The following SVEP1 variants were observed in gnomAD, a reference collection of about 807,000 sequenced individuals.
The protein encoded by SVEP1 is sushi, von Willebrand factor type A, EGF and pentraxin domain containing 1.
Under a neutral mutation model 367.3 loss-of-function variants are expected in SVEP1, and 164 were observed. The ratio of observed to expected loss-of-function variants is 0.45; its 90% confidence interval spans 0.39 to 0.51. The LOEUF (loss-of-function observed/expected upper bound fraction) is 0.51, where lower values mean the gene tolerates loss of function less well. SVEP1 is among the 20% of genes least tolerant of loss of function. The pLI, the probability that SVEP1 is intolerant of heterozygous loss-of-function variation, is 0.00. For missense variants in SVEP1, 4,117 were observed against 4,425.3 expected (o/e 0.93, Z 1.98); for synonymous variants, 1,666 against 1,611.6 (o/e 1.03, Z -0.81).
chr9:110,478,751 T>A (rs1407512087), intron 13 of SVEP1, among the ~76,000 whole-genome samples: 1 of 152,218 alleles, frequency 6.6e-6, no homozygotes, highest in Non-Finnish European at 1.5e-5. Flanking sequence ...TTCGTTAATA[T>A]GTTAGGTGTA....
At chr9:110,390,441 T>G (rs1270987705) in intron 40 of SVEP1, among the ~76,000 whole-genome samples, 1 of 146,364 alleles carries the variant, frequency 6.8e-6, no homozygotes, top group East Asian at 2.0e-4. Flanking sequence ...CACCCAACAC[T>G]TAGGTTGACT....
chr9:110,527,437 A>G (rs1231962724), intron 3 of SVEP1, among the ~76,000 whole-genome samples: 2 of 152,022 alleles, frequency 1.3e-5, no homozygotes, highest in Non-Finnish European at 2.9e-5. Flanking sequence ...TGAGGTGAAT[A>G]GTATGTTTAA....
chr9:110,509,745 C>G (rs184382527), intron 5 of SVEP1, among the ~76,000 whole-genome samples: 2 of 152,168 alleles, frequency 1.3e-5, no homozygotes. Flanking sequence ...TGTACATCAA[C>G]GTATACATTT....
At chr9:110,387,678 C>T (rs957034253) in intron 41 of SVEP1, among the ~76,000 whole-genome samples, 1 of 152,120 alleles carries the variant, frequency 6.6e-6, no homozygotes, top group African/African-American at 2.4e-5. Flanking sequence ...CTTATTGACT[C>T]CAGCTGTCTT....
At chr9:110,494,397 C>T (rs747353077) in intron 8 of SVEP1, among the ~76,000 whole-genome samples, 1 of 152,168 alleles carries the variant, frequency 6.6e-6, no homozygotes, top group Non-Finnish European at 1.5e-5. Flanking sequence ...GACAGCAAGA[C>T]TCTTCTTTTT....
rs953379006 is a variant in SVEP1 at position 110,366,439 on chromosome 9, A to G, written c.*100T>C. The G allele has an allele frequency of 8.0e-7, 1 of 1,256,298 alleles. No individual in the cohort carries two copies. Among genetic ancestry groups the G allele is most frequent in the African/African-American group, 1.5e-5 (1 of 65,524 alleles). The allele number at this position is 1,256,298 out of a possible 1,614,324, so 77.8% of individuals were successfully genotyped here. A position where few individuals can be genotyped will look rare whatever the true frequency, so the allele number is the denominator to read the frequency against. On this transcript the variant is annotated 3_prime_UTR_variant, in exon 48 of 48. Transcript: ENST00000374469. ...GTAACAAGTTTACTAAACAAGACCC[A>G]GCACCATGTTGGACTTTCTTTGCAT... is the stretch of plus-strand genomic sequence containing the variant.
At chr9:110,393,632 A>G (rs1332366332) in intron 40 of SVEP1, among the ~76,000 whole-genome samples, 1 of 152,178 alleles carries the variant, frequency 6.6e-6, no homozygotes, top group African/African-American at 2.4e-5. Context: ...GACAGATGGC[A>G]CCTGGAAAAT....
At chr9:110,380,339 C>A (rs776643345) in intron 43 of SVEP1, among the ~76,000 whole-genome samples, 1 of 151,940 alleles carries the variant, frequency 6.6e-6, no homozygotes, top group African/African-American at 2.4e-5. Context: ...CCTTATAAGC[C>A]GGCGTCTAAA....
chr9:110,390,027 GTA>G (rs910751829), intron 40 of SVEP1, among the ~76,000 whole-genome samples: 3 of 93,068 alleles, frequency 3.2e-5, no homozygotes, highest in African/African-American at 4.0e-5. Context: ...GTGTGTGTGT[GTA>G]TATATATATA....
At chr9:110,368,611 G>C (rs182543346) in intron 47 of SVEP1, among the ~76,000 whole-genome samples, 7 of 152,276 alleles carry the variant, frequency 4.6e-5, no homozygotes, top group Admixed American at 3.3e-4. Flanking sequence ...TCTGAAAAAT[G>C]AAGAGGTTGA....
chr9:110,405,865 G>A (rs1327538), intron 38 of SVEP1, among the ~76,000 whole-genome samples: 129,589 of 152,232 alleles, frequency 0.85, 55,688 homozygotes, highest in African/African-American at 0.96. Context: ...TCACGATTCC[G>A]GAGCTTTTCA....
intron 1 of SVEP1, among the ~76,000 whole-genome samples, chr9:110,576,843 G>GGTT (rs1830633028): frequency 1.3e-5 from 2 of 152,002 alleles, no homozygotes; most frequent in African/African-American, 4.8e-5. Flanking sequence ...ATGCTATTAA[G>GGTT]CAAATTATAT....
chr9:110,389,225 A>G (rs981363001), intron 41 of SVEP1, among the ~76,000 whole-genome samples: 1 of 145,154 alleles, frequency 6.9e-6, no homozygotes, highest in African/African-American at 2.5e-5. Flanking sequence ...ATTATTTGAG[A>G]AAACCCCCCC....
rs901235807 is a variant in SVEP1, at chr9:110,496,907, G to C, written c.1708C>G (p.Pro570Ala). ...AGAGTCTTAGCCTCTATGTCCTTAGGACAGTTGATTTGAGGAGCCTCCACG... is the reference window on the plus strand; with the variant it reads ...AGAGTCTTAGCCTCTATGTCCTTAGCACAGTTGATTTGAGGAGCCTCCACG... ...KDVEAPQINC[P>A]KDIEAKTLEQ... is the part of the protein sequence containing the mutation. Residue 570 changes from proline (P) to alanine (A), a missense_variant, in exon 8 of 48, where the codon CCT (proline) becomes GCT (alanine). This residue lies in a region of SVEP1 where 2,174 missense variants were observed against 2,494.3 expected (regional missense o/e 0.87). Coordinates refer to ENST00000374469, the MANE Select transcript of SVEP1 (RefSeq NM_153366.4). The C allele has an allele frequency of 5.2e-6, 8 of 1,550,284 alleles. No individual in the cohort carries two copies. The highest frequency in any genetic ancestry group is 7.0e-6 in the Non-Finnish European group (8 of 1,145,110).
At chr9:110,434,234 G>A in intron 30 of SVEP1, 102 bp downstream of exon 30, 1 of 1,251,322 alleles carries the variant, frequency 8.0e-7, no homozygotes, top group Non-Finnish European at 1.1e-6. Context: ...TGGTATATTT[G>A]CTACTGTGAA....
At chr9:110,367,612 C>T (rs954457844) in intron 47 of SVEP1, among the ~76,000 whole-genome samples, 1 of 152,132 alleles carries the variant, frequency 6.6e-6, no homozygotes, top group Non-Finnish European at 1.5e-5. Context: ...CTCCCTTTTA[C>T]CCAGTTTTTT....
chr9:110,448,720 C>T (rs750661924), intron 24 of SVEP1, among the ~76,000 whole-genome samples: 1 of 152,120 alleles, frequency 6.6e-6, no homozygotes, highest in Non-Finnish European at 1.5e-5. Context: ...CGTTTTAAAC[C>T]CAGGAAAGAG....
intron 5 of SVEP1, among the ~76,000 whole-genome samples, chr9:110,505,465 C>G (rs1829610250): frequency 6.6e-6 from 1 of 152,054 alleles, no homozygotes; most frequent in Non-Finnish European, 1.5e-5. Context: ...TCAGTTAATC[C>G]CCTCATATCC....
In SVEP1 at chr9:110,407,936, T is replaced by C. The variant is rs1350213165; in HGVS notation, c.7664A>G (p.His2555Arg). The C allele has an allele frequency of 5.0e-6, 8 of 1,614,010 alleles. No individual in the cohort carries two copies. The highest frequency in any genetic ancestry group is 1.1e-5 in the South Asian group (1 of 91,088). ...DVDAPSCNAI[H>R]CDSPQPIENG... is the part of the protein sequence containing the mutation. ...TTCAATGGGTTGTGGGGAATCACAG[T>C]GGATGGCATTGCAAGATGGGGCATC... The change falls in exon 38 of 48, where the codon CAC becomes CGC. Residue 2555 changes from histidine (H) to arginine (R), a missense_variant. Coordinates refer to ENST00000374469, the MANE Select transcript of SVEP1 (RefSeq NM_153366.4).
Sources: gnomAD v4.1 joint callset for allele counts (sites outside exome capture counted in the v4.1 genomes callset) on GRCh38, gnomAD v4.1.1 for gene constraint, gnomAD v4.1.1 regional missense constraint, MANE v1.5 for transcripts, NCBI Gene and HGNC (gene_info 2026-07-23, HGNC 2026-07-21) for gene names.